Variants in GFPT2 observed in about 807,000 individuals in gnomAD.
GFPT2 encodes the protein glutamine--fructose-6-phosphate transaminase 2, also known as glutamine--fructose-6-phosphate aminotransferase [isomerizing] 2.
GFPT2 carries 62 observed loss-of-function variants against 85.6 expected under a neutral mutation model. The observed-to-expected ratio is 0.72, with a 90% CI of 0.59 to 0.90. The LOEUF (loss-of-function observed/expected upper bound fraction) is 0.90, where lower values mean the gene tolerates loss of function less well. Ranked by LOEUF, GFPT2 falls within the 40% of genes least tolerant of loss-of-function variation. GFPT2 has a pLI of 0.00. For missense variants in GFPT2, 788 were observed against 893.4 expected, an observed-to-expected ratio of 0.88 and a Z score of 1.50; for synonymous variants, 368 against 344.5, an observed-to-expected ratio of 1.07 and a Z score of -0.75.
intron 10 of GFPT2, among the ~76,000 whole-genome samples, chr5:180,317,691 G>A (rs1366855026): frequency 4.0e-5 from 5 of 125,560 alleles, no homozygotes; most frequent in Non-Finnish European, 8.2e-5. Context: ...CCCGGGAGGC[G>A]GAGCTTGCAG....
chr5:180,349,787 A>T (rs573823546), intron 1 of GFPT2, among the ~76,000 whole-genome samples: 1 of 152,256 alleles, frequency 6.6e-6, no homozygotes, highest in East Asian at 1.9e-4. Flanking sequence ...GTGGAGACGA[A>T]CACACCAACC....
chr5:180,352,207 G>GC (rs1194271623), intron 1 of GFPT2, among the ~76,000 whole-genome samples: 1 of 151,932 alleles, frequency 6.6e-6, no homozygotes, highest in Non-Finnish European at 1.5e-5. Flanking sequence ...ACAGACCTCG[G>GC]CCAGGGCTCA....
chr5:180,323,441 G>A lies in GFPT2; in HGVS notation c.794+747C>T, dbSNP rs1034686929. On this transcript the variant is annotated intron_variant, in intron 9 of 18. Transcript: ENST00000253778. The surrounding 1 kb of genome is among the most constrained non-coding windows in gnomAD (Gnocchi z 4.0). ...CCATCAAGAATGGAAACATAACAAA[G>A]GCCCAAGCCTTTGGGTCTTTGAAGA... Among the ~76,000 whole-genome samples the A allele has an allele frequency of 6.6e-6, 1 of 152,024 alleles. No individual in the cohort carries two copies. Among genetic ancestry groups the A allele is most frequent in the African/African-American group, 2.4e-5 (1 of 41,362 alleles).
At position 180,323,013 on chromosome 5, in the gene GFPT2, C is replaced by T. The variant is rs1030880520; in HGVS notation, c.794+1175G>A. Among the ~76,000 whole-genome samples, 5 of 151,556 alleles carry T rather than the reference C, an allele frequency of 3.3e-5. No homozygotes were observed. The highest frequency in any genetic ancestry group is 3.9e-4 in the East Asian group (2 of 5,186). On this transcript the variant is annotated intron_variant, in intron 9 of 18. Coordinates refer to ENST00000253778, the MANE Select transcript of GFPT2 (RefSeq NM_005110.4). This position sits in a 1 kb window ranked among gnomAD's most constrained non-coding sequence, Gnocchi z 4.0. ...TCACACCACTGCACTCCAGTCTGGGCGACAGAGTGAGACAAAATAAATAAA... is the reference window on the plus strand; with the variant it reads ...TCACACCACTGCACTCCAGTCTGGGTGACAGAGTGAGACAAAATAAATAAA...
In GFPT2 at chr5:180,335,912, AGT is replaced by A; in HGVS notation, c.254_255del (p.His85LeufsTer56). On this transcript the variant is annotated frameshift_variant, in exon 4 of 19. Transcript: ENST00000253778. LOFTEE classifies it high-confidence loss of function. ...SMDLKVEFETHFGIAHTRWAT... is the reference protein window; with the variant it reads ...SMDLKVEFETXFGIAHTRWAT... ...GCCCAGCGCGTGTGGGCAATGCCGAAGTGTGTCTCAAACTCCACTTTTAAGTC... is the reference window on the plus strand; with the variant it reads ...GCCCAGCGCGTGTGGGCAATGCCGAAGTGTCTCAAACTCCACTTTTAAGTC... 1 of 1,575,648 alleles carries A rather than the reference AGT, an allele frequency of 6.3e-7. No individual in the cohort carries two copies. The highest frequency in any genetic ancestry group is 1.4e-5 in the African/African-American group (1 of 72,238).
At position 180,348,441 on chromosome 5, in the gene GFPT2, C is replaced by A. The variant is rs34778234; in HGVS notation, c.7+4770G>T. Among the ~76,000 whole-genome samples the A allele has an allele frequency of 3.3e-5, 5 of 152,200 alleles. No individual in the cohort carries two copies. The South Asian group carries it at 1.0e-3, about 31-fold the overall frequency. On this transcript the variant is annotated intron_variant, in intron 1 of 18. Coordinates refer to ENST00000253778, the MANE Select transcript of GFPT2 (RefSeq NM_005110.4). The stretch of plus-strand genomic sequence containing the variant: ...AGGTCACTTGGTGAAGCAGGGATGA[C>A]AATTCCTGCCACCTCCTTGCAGAAA...
chr5:180,305,906 G>C (rs1763766911), intron 16 of GFPT2, among the ~76,000 whole-genome samples: 1 of 151,962 alleles, frequency 6.6e-6, no homozygotes, highest in African/African-American at 2.4e-5. Context: ...TCCCCACCAA[G>C]ACCAAGGAAA....
chr5:180,303,618 A>G, intron 17 of GFPT2, among the ~76,000 whole-genome samples: 1 of 152,058 alleles, frequency 6.6e-6, no homozygotes, highest in Non-Finnish European at 1.5e-5. Context: ...CCTCACTCTG[A>G]CCTCTGTGCT....
intron 1 of GFPT2, among the ~76,000 whole-genome samples, chr5:180,350,701 A>G (rs1317598640): frequency 1.3e-5 from 2 of 152,268 alleles, no homozygotes; most frequent in Non-Finnish European, 2.9e-5. Flanking sequence ...AAATGCCAGC[A>G]ACTTTCAGAT....
chr5:180,353,322 C>CCAGCTCCCGCCG lies in GFPT2; in HGVS notation c.-106_-105insCGGCGGGAGCTG, dbSNP rs1764757651. ...GTGGGCTCCGTGGGCTCCGTGGGCT[C>CCAGCTCCCGCCG]CGCGGGCTCCAGCTCCCGTCCGCTC... is the stretch of plus-strand genomic sequence containing the variant. On this transcript the variant is annotated 5_prime_UTR_variant, in exon 1 of 19. Coordinates refer to ENST00000253778, the MANE Select transcript of GFPT2 (RefSeq NM_005110.4). The CCAGCTCCCGCCG allele has an allele frequency of 1.1e-6, 1 of 878,318 alleles. No individual in the cohort carries two copies. Among genetic ancestry groups the CCAGCTCCCGCCG allele is most frequent in the Admixed American group, 4.9e-5 (1 of 20,420 alleles). 54.4% of individuals were successfully genotyped at this position (878,318 alleles called of 1,614,324 possible).
At chr5:180,305,742 A>ACC (rs1339473324) in intron 16 of GFPT2, among the ~76,000 whole-genome samples, 1 of 152,038 alleles carries the variant, frequency 6.6e-6, no homozygotes. Flanking sequence ...CTCAGCCCCC[A>ACC]CCCATGACGC....
chr5:180,324,885 G>C lies in GFPT2; in HGVS notation c.607C>G (p.Pro203Ala). 2 of 1,608,588 alleles carry C rather than the reference G, an allele frequency of 1.2e-6. No individual in the cohort carries two copies. The highest frequency in any genetic ancestry group is 8.5e-7 in the Non-Finnish European group (1 of 1,174,990). The change falls in exon 8 of 19, where the codon CCC becomes GCC. Residue 203 changes from proline (P) to alanine (A), a missense_variant. Coordinates refer to ENST00000253778, the MANE Select transcript of GFPT2 (RefSeq NM_005110.4). ...TTGCTCCGGACTCCGATGAGCAGGG[G>C]GCTGCCTCTCCTGTAGGGAGAAAGA... Reference protein sequence around the residue: ...GEAVATRRGSPLLIGVRSKYK... With the variant: ...GEAVATRRGSALLIGVRSKYK...
intron 1 of GFPT2, chr5:180,352,889 A>C: frequency 2.3e-6 from 1 of 443,714 alleles, no homozygotes; most frequent in Non-Finnish European, 4.0e-6. Flanking sequence ...TGGGGTGGGG[A>C]CCCCTCTGTT....
At chr5:180,331,374 G>T in intron 5 of GFPT2, 121 bp downstream of exon 5, 1 of 670,010 alleles carries the variant, frequency 1.5e-6, no homozygotes, top group Non-Finnish European at 2.7e-6. Context: ...ACGGTGACGT[G>T]GCTGAGTGTG....
chr5:180,329,957 C>A lies in GFPT2; in HGVS notation c.534+743G>T, dbSNP rs1764275233. Among the ~76,000 whole-genome samples the A allele has an allele frequency of 2.0e-5, 3 of 152,222 alleles. No homozygotes were observed. The South Asian group carries it at 6.2e-4, about 32-fold the overall frequency. On this transcript the variant is annotated intron_variant, in intron 6 of 18. Coordinates refer to ENST00000253778, the MANE Select transcript of GFPT2 (RefSeq NM_005110.4). ...TGGGCCCTGTCCTCTGGGATGTCCC[C>A]AATCTCTCTCCCTCTCTCCCTCTTT...
At chr5:180,335,526 C>T (rs1042334004) in intron 4 of GFPT2, among the ~76,000 whole-genome samples, 8 of 152,228 alleles carry the variant, frequency 5.3e-5, no homozygotes, top group Non-Finnish European at 1.0e-4. Context: ...GTCCCTCACG[C>T]GGCCTCATCC....
At chr5:180,317,652 G>C (rs1355213310) in intron 10 of GFPT2, among the ~76,000 whole-genome samples, 1 of 137,362 alleles carries the variant, frequency 7.3e-6, no homozygotes, top group Non-Finnish European at 1.5e-5. Flanking sequence ...CCAGCTACTT[G>C]GGAGGCTGAG....
chr5:180,316,275 A>G (rs950821457), intron 13 of GFPT2, 66 bp downstream of exon 13: 9 of 1,548,490 alleles, frequency 5.8e-6, no homozygotes, highest in Non-Finnish European at 8.0e-6. Context: ...AACTGAATGA[A>G]GGAGAAGAGG....
chr5:180,341,334 T>G lies in GFPT2; in HGVS notation c.8-2734A>C, dbSNP rs139332753. On this transcript the variant is annotated intron_variant, in intron 1 of 18. Coordinates refer to ENST00000253778, the MANE Select transcript of GFPT2 (RefSeq NM_005110.4). ...TGCCCCTAGATAACAGACAGCTGATTGTGATTATATACGAAACCACCTGGA... is the reference window on the plus strand; with the variant it reads ...TGCCCCTAGATAACAGACAGCTGATGGTGATTATATACGAAACCACCTGGA... Among the ~76,000 whole-genome samples, 823 of 152,268 alleles carry G rather than the reference T, an allele frequency of 5.4e-3. 3 individuals are homozygous for G. The highest frequency in any genetic ancestry group is 0.018 in the African/African-American group (768 of 41,546).
Sources: allele counts gnomAD v4.1 joint callset (sites outside exome capture counted in the v4.1 genomes callset), GRCh38; gene constraint gnomAD v4.1.1; non-coding constraint Gnocchi (gnomAD v3.1); transcripts MANE v1.5; gene names NCBI Gene and HGNC (gene_info 2026-07-23, HGNC 2026-07-21).